Variants in MFSD2A observed in about 807,000 individuals in gnomAD.
MFSD2A encodes the protein sodium-dependent lysophosphatidylcholine symporter 1.
Under a neutral mutation model 64.7 loss-of-function variants are expected in MFSD2A, and 27 were observed. The ratio of observed to expected loss-of-function variants is 0.42; its 90% CI spans 0.31 to 0.58. MFSD2A has a LOEUF of 0.58. Ranked by LOEUF, MFSD2A falls within the 20% of genes least tolerant of loss-of-function variation. The probability of loss-of-function intolerance (pLI) is 0.18; values close to 1 mark genes in which losing one functional copy is unlikely to be tolerated. For missense variants in MFSD2A, 474 were observed against 679.5 expected (o/e 0.70, Z 3.36); for synonymous variants, 258 against 273.4 (o/e 0.94, Z 0.55).
chr1:39,968,067 A>G lies in MFSD2A; in HGVS notation c.1208+151A>G, dbSNP rs1645202736. ...GGGGAGGTCTGTCCTGTACAGTTGT[A>G]CAGGTAGTGAGCTTTGCAAGAACAC... On this transcript the variant is annotated intron_variant, in intron 11 of 13. Coordinates refer to ENST00000372811, the MANE Select transcript of MFSD2A (RefSeq NM_032793.5). The surrounding 1 kb of genome is among the most constrained non-coding windows in gnomAD (Gnocchi z 4.4). 1.6e-6 allele frequency: 1 copy of G among 640,076 alleles called. No individual in the cohort carries two copies. Among genetic ancestry groups the G allele is most frequent in the Admixed American group, 2.9e-5 (1 of 34,228 alleles). The allele number at this position is 640,076 out of a possible 1,614,324, so 39.6% of individuals were successfully genotyped here. A position where few individuals can be genotyped will look rare whatever the true frequency, so the allele number is the denominator to read the frequency against.
rs199998795 is a variant in MFSD2A at position 39,965,337 on chromosome 1, G to C, written c.477+3G>C. The C allele has an allele frequency of 6.2e-7, 1 of 1,614,088 alleles. No homozygotes were observed. The highest frequency in any genetic ancestry group is 1.3e-5 in the African/African-American group (1 of 75,034). On this transcript the variant is annotated splice_donor_region_variant and intron_variant, in intron 4 of 13. Coordinates refer to ENST00000372811, the MANE Select transcript of MFSD2A (RefSeq NM_032793.5). The surrounding 1 kb of genome is among the most constrained non-coding windows in gnomAD (Gnocchi z 5.5). ...GCCTCTTTGAAACAATGGTCACGGT[G>C]AGTGTGGGTACCTCCCTTGGGTGTC... is the stretch of plus-strand genomic sequence containing the variant.
rs1176319603 is a variant in MFSD2A, at chr1:39,955,516, A to G, written c.93+131A>G. ...CAGGGACAGGAAGCCTACGAGCCAG[A>G]GAGGACCTGGGGGTGCCCTGGGACA... is the stretch of plus-strand genomic sequence containing the variant. On this transcript the variant is annotated intron_variant, in intron 1 of 13. Transcript: ENST00000372811. This position sits in a 1 kb window ranked among gnomAD's most constrained non-coding sequence, Gnocchi z 5.9. 9.7e-6 allele frequency: 10 copies of G among 1,026,138 alleles called. No homozygotes were observed. Among genetic ancestry groups the G allele is most frequent in the Admixed American group, 2.0e-5 (1 of 49,762 alleles). 63.6% of individuals were successfully genotyped at this position (1,026,138 alleles called of 1,614,324 possible). A position where few individuals can be genotyped will look rare whatever the true frequency, so the allele number is the denominator to read the frequency against.
intron 3 of MFSD2A, among the ~76,000 whole-genome samples, chr1:39,962,432 A>G (rs1645063344): frequency 6.6e-6 from 1 of 152,208 alleles, no homozygotes; most frequent in South Asian, 2.1e-4. Flanking sequence ...CACAGCACTC[A>G]TCTCCCAACA....
chr1:39,965,986 C>A lies in MFSD2A; in HGVS notation c.686C>A (p.Thr229Lys). 1 of 1,614,198 alleles carries A rather than the reference C, an allele frequency of 6.2e-7. No individual in the cohort carries two copies. Among genetic ancestry groups the A allele is most frequent in the Non-Finnish European group, 8.5e-7 (1 of 1,180,032 alleles). Residue 229 changes from threonine (T) to lysine (K), a missense_variant, in exon 6 of 14, where the codon ACA becomes AAA. Coordinates refer to ENST00000372811, the MANE Select transcript of MFSD2A (RefSeq NM_032793.5). The surrounding 1 kb of genome is among the most constrained non-coding windows in gnomAD (Gnocchi z 5.5). The part of the protein sequence containing the change: ...STVASQSANH[T>K]HGTTSHRETQ... Reference sequence around the variant, plus strand: ...GTAGCTTCACAAAGTGCCAACCATACACATGGCACCACCTCACACAGGGAA... The same window carrying A: ...GTAGCTTCACAAAGTGCCAACCATAAACATGGCACCACCTCACACAGGGAA...
rs545213460 is a variant in MFSD2A at position 39,963,083 on chromosome 1, C to T, written c.354-2128C>T. The T allele has an allele frequency of 4.6e-5, 64 of 1,377,642 alleles. No homozygotes were observed. The highest frequency in any genetic ancestry group is 2.4e-4 in the Middle Eastern group (1 of 4,122). 85.3% of individuals were successfully genotyped at this position (1,377,642 alleles called of 1,614,324 possible). On this transcript the variant is annotated intron_variant, in intron 3 of 13. Coordinates refer to ENST00000372811, the MANE Select transcript of MFSD2A (RefSeq NM_032793.5). The surrounding 1 kb of genome is among the most constrained non-coding windows in gnomAD (Gnocchi z 4.2). ...GGAACAAGATCAGCAAGCCCCACAC[C>T]GTCCCTTGCAAGGTGACAGGCCGCT... is the stretch of plus-strand genomic sequence containing the variant.
chr1:39,959,437 G>C (rs919692778), intron 3 of MFSD2A, among the ~76,000 whole-genome samples: 1 of 151,876 alleles, frequency 6.6e-6, no homozygotes, highest in Non-Finnish European at 1.5e-5. Context: ...ATTATTTGTA[G>C]AGACAGCGTC....
intron 8 of MFSD2A, 71 bp downstream of exon 8, chr1:39,967,003 G>A (rs992275702): frequency 1.2e-6 from 2 of 1,611,694 alleles, no homozygotes; most frequent in East Asian, 4.5e-5. Context: ...AGGTCTCTGG[G>A]GCTTGGGGGA....
chr1:39,962,808 A>G (rs1645073892), intron 3 of MFSD2A: 3 of 1,252,380 alleles, frequency 2.4e-6, no homozygotes, highest in Non-Finnish European at 3.4e-6. Context: ...CTCTCTGCCC[A>G]TTAAGGGATC....
In MFSD2A at chr1:39,965,563, GCCCACCTGAC is replaced by G; in HGVS notation, c.556+21_556+30del. On this transcript the variant is annotated intron_variant, in intron 5 of 13. Coordinates refer to ENST00000372811, the MANE Select transcript of MFSD2A (RefSeq NM_032793.5). This position sits in a 1 kb window ranked among gnomAD's most constrained non-coding sequence, Gnocchi z 5.5. ...CCACCGCCTATCGTGAGTCTCCCCA[GCCCACCTGAC>G]CCCACCCTCCAGGGACCCTCCAGCC... The G allele has an allele frequency of 6.2e-7, 1 of 1,613,590 alleles. No homozygotes were observed. The highest frequency in any genetic ancestry group is 1.1e-5 in the South Asian group (1 of 91,064).
chr1:39,955,442 G>T lies in MFSD2A; in HGVS notation c.93+57G>T, dbSNP rs998834512. On this transcript the variant is annotated intron_variant, in intron 1 of 13. Transcript: ENST00000372811. This position sits in a 1 kb window ranked among gnomAD's most constrained non-coding sequence, Gnocchi z 5.9. ...GGGGAGGGAGGAGGCGGAAATGGGG[G>T]ATCAGGGGCGTCCCGGGGTCGGCCT... 2.7e-6 allele frequency: 4 copies of T among 1,487,472 alleles called. No homozygotes were observed. The South Asian group carries it at 5.0e-5, about 19-fold the overall frequency. 92.1% of individuals were successfully genotyped at this position (1,487,472 alleles called of 1,614,324 possible). A position where few individuals can be genotyped will look rare whatever the true frequency, so the allele number is the denominator to read the frequency against.
chr1:39,955,237 T>A lies in MFSD2A; in HGVS notation c.-56T>A. 1 of 1,314,844 alleles carries A rather than the reference T, an allele frequency of 7.6e-7. No homozygotes were observed. The highest frequency in any genetic ancestry group is 9.8e-7 in the Non-Finnish European group (1 of 1,021,024). 81.4% of individuals were successfully genotyped at this position (1,314,844 alleles called of 1,614,324 possible). A position where few individuals can be genotyped will look rare whatever the true frequency, so the allele number is the denominator to read the frequency against. On this transcript the variant is annotated 5_prime_UTR_variant, in exon 1 of 14. Transcript: ENST00000372811. The surrounding 1 kb of genome is among the most constrained non-coding windows in gnomAD (Gnocchi z 5.9). ...AGCGAGCTTGGGAGGAGCAGCGGCC[T>A]GCGGGGCAGAGGAGCATCCCGTCTA...
At chr1:39,967,600 C>G in intron 9 of MFSD2A, 28 bp from the exon 10 acceptor site, 1 of 1,608,566 alleles carries the variant, frequency 6.2e-7, no homozygotes, top group South Asian at 1.1e-5. Flanking sequence ...TAAAGCACCT[C>G]CCTTTAACCC....
rs1486196115 is a variant in MFSD2A, at chr1:39,960,709, A to G, written c.353+1884A>G. Among the ~76,000 whole-genome samples, 1 of 152,170 alleles carries G rather than the reference A, an allele frequency of 6.6e-6. No homozygotes were observed. The highest frequency in any genetic ancestry group is 1.5e-5 in the Non-Finnish European group (1 of 68,010). The stretch of plus-strand genomic sequence containing the variant: ...TGAGCAGAGGATGGAGTGTTTGACA[A>G]AGGCTGATGAGGAGCTCTTGTTCCC... On this transcript the variant is annotated intron_variant, in intron 3 of 13. Transcript: ENST00000372811. The surrounding 1 kb of genome is among the most constrained non-coding windows in gnomAD (Gnocchi z 4.8).
At chr1:39,966,789 C>T (rs761811729) in intron 7 of MFSD2A, 22 bp from the exon 8 acceptor site, 29 of 1,613,956 alleles carry the variant, frequency 1.8e-5, no homozygotes, top group African/African-American at 4.0e-5. Flanking sequence ...GCTCCTTCCT[C>T]ACTGTCCGCT....
At position 39,965,983 on chromosome 1, in the gene MFSD2A, A is replaced by G. The variant is rs2124776244; in HGVS notation, c.683A>G (p.His228Arg). The G allele has an allele frequency of 6.2e-7, 1 of 1,614,224 alleles. No homozygotes were observed. Among genetic ancestry groups the G allele is most frequent in the Non-Finnish European group, 8.5e-7 (1 of 1,180,046 alleles). The stretch of plus-strand genomic sequence containing the variant: ...ACAGTAGCTTCACAAAGTGCCAACC[A>G]TACACATGGCACCACCTCACACAGG... ...SSTVASQSAN[H>R]THGTTSHRET... Residue 228 changes from histidine (H) to arginine (R), a missense_variant, in exon 6 of 14, where the codon CAT becomes CGT. By Grantham distance (29) the His-to-Arg change is conservative. Coordinates refer to ENST00000372811, the MANE Select transcript of MFSD2A (RefSeq NM_032793.5). The surrounding 1 kb of genome is among the most constrained non-coding windows in gnomAD (Gnocchi z 5.5).
In MFSD2A at chr1:39,968,233, T is replaced by C; in HGVS notation, c.1209-101T>C. Reference sequence around the variant, plus strand: ...AAGGTCCCATATCCTCACTGAGCTGTGTACCCATGGTACTGCAAGCTTCCA... The same window carrying C: ...AAGGTCCCATATCCTCACTGAGCTGCGTACCCATGGTACTGCAAGCTTCCA... On this transcript the variant is annotated intron_variant, in intron 11 of 13. Coordinates refer to ENST00000372811, the MANE Select transcript of MFSD2A (RefSeq NM_032793.5). The surrounding 1 kb of genome is among the most constrained non-coding windows in gnomAD (Gnocchi z 4.4). The C allele has an allele frequency of 7.1e-7, 1 of 1,411,424 alleles. No individual in the cohort carries two copies. Among genetic ancestry groups the C allele is most frequent in the Middle Eastern group, 1.8e-4 (1 of 5,622 alleles). The allele number at this position is 1,411,424 out of a possible 1,614,324, so 87.4% of individuals were successfully genotyped here. A position where few individuals can be genotyped will look rare whatever the true frequency, so the allele number is the denominator to read the frequency against.
At position 39,965,529 on chromosome 1, in the gene MFSD2A, G is replaced by A. The variant is rs1645140503; in HGVS notation, c.536G>A (p.Arg179Gln). 3 of 1,614,014 alleles carry A rather than the reference G, an allele frequency of 1.9e-6. No individual in the cohort carries two copies. Among genetic ancestry groups the A allele is most frequent in the Non-Finnish European group, 1.7e-6 (2 of 1,179,994 alleles). Reference sequence around the variant, plus strand: ...TTCATCAGCACCGAGCAGACTGAGCGGGATTCTGCCACCGCCTATCGTGAG... The same window carrying A: ...TTCATCAGCACCGAGCAGACTGAGCAGGATTCTGCCACCGCCTATCGTGAG... ...TMFISTEQTE[R>Q]DSATAYRMTV... The change falls in exon 5 of 14, where the codon CGG becomes CAG. Residue 179 changes from arginine to glutamine, a missense_variant. Physicochemically the swap from Arg to Gln is conservative, Grantham distance 43. Coordinates refer to ENST00000372811, the MANE Select transcript of MFSD2A (RefSeq NM_032793.5). The surrounding 1 kb of genome is among the most constrained non-coding windows in gnomAD (Gnocchi z 5.5).
Position 39,965,542 on chromosome 1 carries a change from C to T in MFSD2A, c.549C>T (p.Thr183=), listed in dbSNP as rs115821410. Residue 183 remains threonine (T), a synonymous_variant, in exon 5 of 14, where the codon ACC becomes ACT. Transcript: ENST00000372811. The surrounding 1 kb of genome is among the most constrained non-coding windows in gnomAD (Gnocchi z 5.5). ...AGCAGACTGAGCGGGATTCTGCCAC[C>T]GCCTATCGTGAGTCTCCCCAGCCCA... ...STEQTERDSA[T]AYRMTVEVLG... 5.6e-5 allele frequency: 90 copies of T among 1,613,964 alleles called. No homozygotes were observed. The highest frequency in any genetic ancestry group is 2.1e-4 in the South Asian group (19 of 91,088).
chr1:39,965,052 C>G lies in MFSD2A; in HGVS notation c.354-159C>G. 2.0e-6 allele frequency: 2 copies of G among 995,562 alleles called. No homozygotes were observed. The highest frequency in any genetic ancestry group is 2.9e-6 in the Non-Finnish European group (2 of 693,460). The allele number at this position is 995,562 out of a possible 1,614,324, so 61.7% of individuals were successfully genotyped here. ...TTCCGGGCTTGGTCATCAGCCTCTTCCCAGAGGCCCAGGATGGGTGGATTT... is the reference window on the plus strand; with the variant it reads ...TTCCGGGCTTGGTCATCAGCCTCTTGCCAGAGGCCCAGGATGGGTGGATTT... On this transcript the variant is annotated intron_variant, in intron 3 of 13. Transcript: ENST00000372811. This position sits in a 1 kb window ranked among gnomAD's most constrained non-coding sequence, Gnocchi z 5.5.
Sources: gnomAD v4.1 joint callset for allele counts (sites outside exome capture counted in the v4.1 genomes callset) on GRCh38, gnomAD v4.1.1 for gene constraint, Gnocchi (gnomAD v3.1) non-coding constraint, MANE v1.5 for transcripts, NCBI Gene and HGNC (gene_info 2026-07-23, HGNC 2026-07-21) for gene names.